ARHGEF4: variants seen among roughly 807,000 people sequenced by gnomAD.
ARHGEF4 encodes the protein APC-stimulated guanine nucleotide exchange factor 1.
A neutral mutation model predicts 162.0 loss-of-function variants in ARHGEF4; 119 were observed. The observed-to-expected ratio is 0.73, with a 90% CI of 0.63 to 0.86. The LOEUF (loss-of-function observed/expected upper bound fraction) is 0.86, where lower values mean the gene tolerates loss of function less well. Among genes scored for constraint, ARHGEF4 ranks in the 40% least tolerant of loss-of-function variants. The probability of loss-of-function intolerance (pLI) is 0.00; values close to 1 mark genes in which losing one functional copy is unlikely to be tolerated. For synonymous variants in ARHGEF4, 1,014 were observed against 979.9 expected (o/e 1.03, Z -0.65); for missense variants, 2,488 against 2,456.0 (o/e 1.01, Z -0.28).
At chr2:130,891,598 C>T (rs911183694) in intron 1 of ARHGEF4, among the ~76,000 whole-genome samples, 9 of 152,144 alleles carry the variant, frequency 5.9e-5, no homozygotes, top group South Asian at 2.1e-4. Context: ...CAAGATCTGC[C>T]GGCAGGGCTG....
At chr2:130,985,828 TGTGTTGTAC>T (rs1390559540) in intron 4 of ARHGEF4, among the ~76,000 whole-genome samples, 1 of 151,984 alleles carries the variant, frequency 6.6e-6, no homozygotes, top group Non-Finnish European at 1.5e-5. Context: ...ATATGTTGTG[TGTGTTGTAC>T]GTGCATGGTG....
rs768069371 is a variant in ARHGEF4, at chr2:130,916,576, C to T, written c.2630C>T (p.Thr877Met). Residue 877 changes from threonine (T) to methionine (M), a missense_variant, in exon 2 of 14, where the codon ACG (threonine) becomes ATG (methionine). By Grantham distance (81) the Thr-to-Met change is moderately conservative (BLOSUM62 -1). Around this residue, in one of 6 missense-constraint regions of ARHGEF4, gnomAD observed 1,642 missense variants for 1,481.5 expected, o/e 1.11. Coordinates refer to ENST00000409359, the MANE Select transcript of ARHGEF4 (RefSeq NM_001367493.1). ...GCAGGGCCGGCAGGAGCGGGGCACACGGGGACCTCAGGGGATCTTGGTAGC... is the reference window on the plus strand; with the variant it reads ...GCAGGGCCGGCAGGAGCGGGGCACATGGGGACCTCAGGGGATCTTGGTAGC... ...RTAGPAGAGH[T>M]GTSGDLGSRG... is the part of the protein sequence containing the mutation. 2 of 1,550,364 alleles carry T rather than the reference C, an allele frequency of 1.3e-6. No homozygotes were observed. The highest frequency in any genetic ancestry group is 1.2e-5 in the South Asian group (1 of 84,038).
intron 4 of ARHGEF4, among the ~76,000 whole-genome samples, chr2:131,020,346 C>A (rs777486465): frequency 9.1e-6 from 1 of 109,978 alleles, no homozygotes; most frequent in East Asian, 3.2e-4. Context: ...CCCCTCCCCC[C>A]ACCCCACAAC....
chr2:130,981,360 G>A (rs1194055317), intron 4 of ARHGEF4, among the ~76,000 whole-genome samples: 1 of 152,126 alleles, frequency 6.6e-6, no homozygotes, highest in Non-Finnish European at 1.5e-5. Context: ...ACCCAAAGGA[G>A]AACAAACAGC....
intron 1 of ARHGEF4, among the ~76,000 whole-genome samples, chr2:130,873,628 A>G (rs1344226776): frequency 6.6e-6 from 1 of 151,604 alleles, no homozygotes; most frequent in African/African-American, 2.4e-5. Flanking sequence ...CCCACTTTTT[A>G]CTTAGCTAAC....
chr2:130,855,452 AG>A (rs1681713321), intron 1 of ARHGEF4, among the ~76,000 whole-genome samples: 1 of 152,232 alleles, frequency 6.6e-6, no homozygotes, highest in Non-Finnish European at 1.5e-5. Flanking sequence ...GGTGGAGTCC[AG>A]GAGAGACCAG....
chr2:130,998,384 G>T (rs1687542217), intron 4 of ARHGEF4, among the ~76,000 whole-genome samples: 1 of 152,116 alleles, frequency 6.6e-6, no homozygotes, highest in African/African-American at 2.4e-5. Context: ...TATCCTATGA[G>T]ATTTGACAAA....
chr2:131,036,389 C>G (rs1337595916), intron 5 of ARHGEF4, among the ~76,000 whole-genome samples: 1 of 152,212 alleles, frequency 6.6e-6, no homozygotes, highest in Non-Finnish European at 1.5e-5. Context: ...AGAGCTTGCT[C>G]ACGGCACGTG....
At chr2:130,949,575 C>T (rs193253006) in intron 4 of ARHGEF4, among the ~76,000 whole-genome samples, 1 of 152,200 alleles carries the variant, frequency 6.6e-6, no homozygotes, top group East Asian at 1.9e-4. Context: ...AGGGTGGTCT[C>T]GATCTCCTGA....
Position 130,924,456 on chromosome 2 carries a change from C to T in ARHGEF4, c.3553-6496C>T, listed in dbSNP as rs183340755. On this transcript the variant is annotated intron_variant, in intron 2 of 13. Coordinates refer to ENST00000409359, the MANE Select transcript of ARHGEF4 (RefSeq NM_001367493.1). ...TAATTTTTTATAATTTTAGTAGAGA[C>T]GGGGTTTCACTCTGTTGGCCAGGCT... Among the ~76,000 whole-genome samples, 347 of 152,164 alleles carry T rather than the reference C, an allele frequency of 2.3e-3. 1 individual carries two copies. The highest frequency in any genetic ancestry group is 4.4e-3 in the South Asian group (21 of 4,800).
chr2:131,015,515 G>A lies in ARHGEF4; in HGVS notation c.3986-12430G>A, dbSNP rs559829944. ...CGGGGAGCCCTGGTGTGGGTGCCTG[G>A]GAACTCTGTGCTGGTTGACCGGTTG... On this transcript the variant is annotated intron_variant, in intron 4 of 13. Coordinates refer to ENST00000409359, the MANE Select transcript of ARHGEF4 (RefSeq NM_001367493.1). 3.3e-5 allele frequency among the ~76,000 whole-genome samples: 5 copies of A among 152,272 alleles called. No homozygotes were observed. The East Asian group carries it at 7.7e-4, about 24-fold the overall frequency.
intron 1 of ARHGEF4, among the ~76,000 whole-genome samples, chr2:130,885,584 T>A (rs1189188047): frequency 4.7e-4 from 69 of 147,608 alleles, no homozygotes; most frequent in Non-Finnish European, 7.8e-4. Context: ...TTTTTTTTTT[T>A]TTTTAGATGG....
rs376453185 is a variant in ARHGEF4 at position 131,021,654 on chromosome 2, T to C, written c.3986-6291T>C. 2.6e-5 allele frequency among the ~76,000 whole-genome samples: 4 copies of C among 152,116 alleles called. No homozygotes were observed. In the East Asian group the frequency reaches 7.7e-4, roughly 29 times the overall value. On this transcript the variant is annotated intron_variant, in intron 4 of 13. Coordinates refer to ENST00000409359, the MANE Select transcript of ARHGEF4 (RefSeq NM_001367493.1). The stretch of plus-strand genomic sequence containing the variant: ...TGGGATCTAATTAAACTAAAGAGCT[T>C]CTTTATTTCTTTTTCTTGACTGGTC...
chr2:130,911,161 C>G (rs890681223), intron 1 of ARHGEF4, among the ~76,000 whole-genome samples: 3 of 152,238 alleles, frequency 2.0e-5, no homozygotes, highest in African/African-American at 7.2e-5. Flanking sequence ...TGGGGCCTGC[C>G]GGTCAACACC....
chr2:131,010,741 C>A (rs1027260734), intron 4 of ARHGEF4, among the ~76,000 whole-genome samples: 2 of 152,170 alleles, frequency 1.3e-5, no homozygotes, highest in African/African-American at 4.8e-5. Flanking sequence ...AGGTGGGCAG[C>A]AAGCTTTGAT....
chr2:130,872,052 C>T (rs528668266), intron 1 of ARHGEF4, among the ~76,000 whole-genome samples: 4 of 152,360 alleles, frequency 2.6e-5, no homozygotes, highest in East Asian at 3.9e-4. Context: ...CTCGCAGCAC[C>T]GCAGCGCGGT....
intron 4 of ARHGEF4, among the ~76,000 whole-genome samples, chr2:130,958,292 G>A (rs1218603463): frequency 6.6e-6 from 1 of 152,182 alleles, no homozygotes; most frequent in African/African-American, 2.4e-5. Flanking sequence ...GCTGTAAAGG[G>A]GGAGAGGGGA....
Position 131,047,235 on chromosome 2 carries a change from ATAAAT to A in ARHGEF4, c.*1048_*1052del, listed in dbSNP as rs1258214570. 2 of 152,134 alleles carry A rather than the reference ATAAAT, an allele frequency of 1.3e-5. No individual in the cohort carries two copies. The highest frequency in any genetic ancestry group is 6.5e-5 in the Admixed American group (1 of 15,284). The allele number at this position is 152,134 out of a possible 1,614,324, so 9.4% of individuals were successfully genotyped here. A position where few individuals can be genotyped will look rare whatever the true frequency, so the allele number is the denominator to read the frequency against. ...CCAGAAACCACATTTAATTTCATAA[ATAAAT>A]TTATGAAAAGTAACCTGGCTGCTAG... On this transcript the variant is annotated 3_prime_UTR_variant, in exon 14 of 14. Coordinates refer to ENST00000409359, the MANE Select transcript of ARHGEF4 (RefSeq NM_001367493.1).
intron 4 of ARHGEF4, chr2:130,947,119 A>G (rs1683671939): frequency 6.5e-6 from 1 of 153,954 alleles, no homozygotes; most frequent in African/African-American, 2.4e-5. Context: ...AATCTCAGCT[A>G]CTCGGGAGGC....
Sources: allele counts gnomAD v4.1 joint callset (sites outside exome capture counted in the v4.1 genomes callset), GRCh38; gene constraint gnomAD v4.1.1; regional missense constraint gnomAD v4.1.1; transcripts MANE v1.5; gene names NCBI Gene and HGNC (gene_info 2026-07-23, HGNC 2026-07-21).